Variants in PCDHGA7 observed in about 807,000 individuals in gnomAD.
The protein encoded by PCDHGA7 is protocadherin gamma-A7.
PCDHGA7 carries 44 observed loss-of-function variants against 58.3 expected under a neutral mutation model. That is an observed-to-expected ratio of 0.75 (90% CI 0.59 to 0.97). The LOEUF is 0.97. PCDHGA7 is among the 50% of genes least tolerant of loss of function. PCDHGA7 has a pLI of 0.00. For synonymous variants in PCDHGA7, 516 were observed against 504.2 expected (o/e 1.02, Z -0.31); for missense variants, 1,266 against 1,188.7 (o/e 1.06, Z -0.96).
Position 141,430,721 on chromosome 5 carries a change from T to C in PCDHGA7, c.2424+45398T>C, listed in dbSNP as rs2097305223. The C allele has an allele frequency of 3.4e-6, 5 of 1,489,270 alleles. No homozygotes were observed. The South Asian group carries it at 7.3e-5, about 22-fold the overall frequency. 92.3% of individuals were successfully genotyped at this position (1,489,270 alleles called of 1,614,324 possible). A position where few individuals can be genotyped will look rare whatever the true frequency, so the allele number is the denominator to read the frequency against. On this transcript the variant is annotated intron_variant, in intron 1 of 3. Coordinates refer to ENST00000518325, the MANE Select transcript of PCDHGA7 (RefSeq NM_018920.4). ...AGGAACTGCTCCTGACTTCAGTGGT[T>C]AAGGGCAGAATTGAAAATAATTCTG...
At chr5:141,389,823 G>C in intron 1 of PCDHGA7, 11 of 1,613,944 alleles carry the variant, frequency 6.8e-6, no homozygotes, top group Non-Finnish European at 6.8e-6. Flanking sequence ...CGTGCGTGAC[G>C]GTGGACAGCC....
Position 141,491,340 on chromosome 5 carries a change from C to T in PCDHGA7, c.2425-3467C>T, listed in dbSNP as rs772328241. The T allele has an allele frequency of 3.7e-6, 6 of 1,614,144 alleles. No individual in the cohort carries two copies. The Admixed American group carries it at 6.7e-5, about 18-fold the overall frequency. ...TTTACCTCATTGTGGCTCTAGCGAC[C>T]GTCAGTCTCTTATCCCTAGTCACCT... On this transcript the variant is annotated intron_variant, in intron 1 of 3. Transcript: ENST00000518325. This position sits in a 1 kb window ranked among gnomAD's most constrained non-coding sequence, Gnocchi z 6.9.
Position 141,487,226 on chromosome 5 carries a change from G to A in PCDHGA7, c.2425-7581G>A. ...TCGAGAATCTTCAGCTCCAAGGGAA[G>A]GAGAATCTCGTCTAACCCTCTACTT... is the stretch of plus-strand genomic sequence containing the variant. On this transcript the variant is annotated intron_variant, in intron 1 of 3. Transcript: ENST00000518325. This position sits in a 1 kb window ranked among gnomAD's most constrained non-coding sequence, Gnocchi z 5.0. The A allele has an allele frequency of 6.2e-7, 1 of 1,614,104 alleles. No individual in the cohort carries two copies. Among genetic ancestry groups the A allele is most frequent in the South Asian group, 1.1e-5 (1 of 91,074 alleles).
At chr5:141,394,364 G>A (rs1293513120) in intron 1 of PCDHGA7, 1 of 1,614,186 alleles carries the variant, frequency 6.2e-7, no homozygotes. Flanking sequence ...TGTATGCGCT[G>A]CAATCTTTCG....
rs1369956811 is a variant in PCDHGA7, at chr5:141,460,759, A to G, written c.2425-34048A>G. Among the ~76,000 whole-genome samples, 3 of 152,088 alleles carry G rather than the reference A, an allele frequency of 2.0e-5. No individual in the cohort carries two copies. In the East Asian group the frequency reaches 5.8e-4, roughly 29 times the overall value. On this transcript the variant is annotated intron_variant, in intron 1 of 3. Coordinates refer to ENST00000518325, the MANE Select transcript of PCDHGA7 (RefSeq NM_018920.4). ...ATTGTATATATATGTGTACATATAC[A>G]TATTGCATATGTATGTATACATATA...
At chr5:141,466,864 C>G (rs925681539) in intron 1 of PCDHGA7, among the ~76,000 whole-genome samples, 24 of 151,910 alleles carry the variant, frequency 1.6e-4, no homozygotes, top group African/African-American at 5.3e-4. Flanking sequence ...TTTTGAAATC[C>G]ACACATTTTT....
At chr5:141,417,460 A>G (rs1160577617) in intron 1 of PCDHGA7, 1 of 180,404 alleles carries the variant, frequency 5.5e-6, no homozygotes, top group Non-Finnish European at 1.1e-5. Flanking sequence ...GACCAAGTGG[A>G]AATATATTTC....
intron 1 of PCDHGA7, among the ~76,000 whole-genome samples, chr5:141,435,157 A>G (rs1387976305): frequency 6.6e-6 from 1 of 152,176 alleles, no homozygotes; most frequent in Non-Finnish European, 1.5e-5. Context: ...AAACTTTTGT[A>G]AATAGAGTGG....
chr5:141,393,571 A>G, intron 1 of PCDHGA7: 4 of 1,613,974 alleles, frequency 2.5e-6, no homozygotes, highest in Non-Finnish European at 3.4e-6. Flanking sequence ...AAAGTCCTTG[A>G]GAACATGCCC....
intron 1 of PCDHGA7, among the ~76,000 whole-genome samples, chr5:141,458,513 G>GTT (rs537551567): frequency 7.5e-5 from 11 of 146,196 alleles, no homozygotes; most frequent in African/African-American, 2.2e-4. Flanking sequence ...TTGACACTTT[G>GTT]TTTTTTTTTT....
intron 1 of PCDHGA7, chr5:141,440,921 G>C (rs1213425379): frequency 6.6e-6 from 1 of 152,260 alleles, no homozygotes; most frequent in Non-Finnish European, 1.5e-5. Context: ...TGTGCTGAGA[G>C]TGAGGGCCAC....
In PCDHGA7 at chr5:141,421,903, G is replaced by T. The variant is rs757656265; in HGVS notation, c.2424+36580G>T. 2.5e-6 allele frequency: 4 copies of T among 1,613,704 alleles called. No homozygotes were observed. In the East Asian group the frequency reaches 6.7e-5, roughly 27 times the overall value. ...TGGAGGCGATCCCATCCGAAAGGGCGCAGTTCCCATTCGTGTGGTGGTCCT... is the reference window on the plus strand; with the variant it reads ...TGGAGGCGATCCCATCCGAAAGGGCTCAGTTCCCATTCGTGTGGTGGTCCT... On this transcript the variant is annotated intron_variant, in intron 1 of 3. Transcript: ENST00000518325.
At chr5:141,455,860 A>ATTAT (rs145569377) in intron 1 of PCDHGA7, among the ~76,000 whole-genome samples, 7,190 of 139,786 alleles carry the variant, frequency 0.051, 228 homozygotes, top group South Asian at 0.064. Context: ...AATTTCTTTT[A>ATTAT]TTATTTATTT....
In PCDHGA7 at chr5:141,512,839, C is replaced by T. The variant is rs141207714; in HGVS notation, c.*1666C>T. ...GACCCCCTCCCCCGTACTGACTTCTCCTATAAGCGCTTCTCTTCGCATAGT... is the reference window on the plus strand; with the variant it reads ...GACCCCCTCCCCCGTACTGACTTCTTCTATAAGCGCTTCTCTTCGCATAGT... On this transcript the variant is annotated 3_prime_UTR_variant, in exon 4 of 4. Transcript: ENST00000518325. 278 of 152,216 alleles carry T rather than the reference C, an allele frequency of 1.8e-3. 2 individuals are homozygous for T. Among genetic ancestry groups the T allele is most frequent in the Middle Eastern group, 0.01 (3 of 292 alleles). 9.4% of individuals were successfully genotyped at this position (152,216 alleles called of 1,614,324 possible). A position where few individuals can be genotyped will look rare whatever the true frequency, so the allele number is the denominator to read the frequency against.
At position 141,385,515 on chromosome 5, in the gene PCDHGA7, C is replaced by A. The variant is rs549682834; in HGVS notation, c.2424+192C>A. On this transcript the variant is annotated intron_variant, in intron 1 of 3. Coordinates refer to ENST00000518325, the MANE Select transcript of PCDHGA7 (RefSeq NM_018920.4). ...GGATATAGTATTTCTTTAGTGAAAG[C>A]CTATGGACAAGATTATGAATATGTG... The A allele has an allele frequency of 5.6e-5, 76 of 1,362,798 alleles. No homozygotes were observed. The East Asian group carries it at 1.7e-3, about 31-fold the overall frequency. 84.4% of individuals were successfully genotyped at this position (1,362,798 alleles called of 1,614,324 possible).
rs201540226 is a variant in PCDHGA7, at chr5:141,399,196, G to T, written c.2424+13873G>T. On this transcript the variant is annotated intron_variant, in intron 1 of 3. Coordinates refer to ENST00000518325, the MANE Select transcript of PCDHGA7 (RefSeq NM_018920.4). ...ACTTGAAATGATTCTGGAAAACGCG[G>T]TGCCTGGAACACTAATTGCTTTGAT... The T allele has an allele frequency of 4.2e-5, 67 of 1,613,820 alleles. 1 individual carries two copies. In the African/African-American group the frequency reaches 5.7e-4, roughly 14 times the overall value.
At chr5:141,406,072 CTTT>C (rs530474569) in intron 1 of PCDHGA7, among the ~76,000 whole-genome samples, 2 of 141,478 alleles carry the variant, frequency 1.4e-5, no homozygotes. Context: ...ATTCTTACTC[CTTT>C]TTTTTTTTTT....
rs770623588 is a variant in PCDHGA7, at chr5:141,410,424, C to A, written c.2424+25101C>A. ...GTCAAGTCTGGACCTGTAGTTCCCC[C>A]CAACTACAGTGAGGGGACTTTGCCT... is the stretch of plus-strand genomic sequence containing the variant. On this transcript the variant is annotated intron_variant, in intron 1 of 3. Transcript: ENST00000518325. The A allele has an allele frequency of 1.1e-5, 17 of 1,613,852 alleles. No homozygotes were observed. In the East Asian group the frequency reaches 3.6e-4, roughly 34 times the overall value.
intron 1 of PCDHGA7, chr5:141,402,878 G>A: frequency 1.4e-6 from 2 of 1,471,050 alleles, no homozygotes; most frequent in Non-Finnish European, 1.8e-6. Context: ...ACCATACTTT[G>A]CAGGGTGGAA....
Sources: allele counts gnomAD v4.1 joint callset (sites outside exome capture counted in the v4.1 genomes callset), GRCh38; gene constraint gnomAD v4.1.1; non-coding constraint Gnocchi (gnomAD v3.1); transcripts MANE v1.5; gene names NCBI Gene and HGNC (gene_info 2026-07-23, HGNC 2026-07-21).